PHF20: variants seen among roughly 807,000 people sequenced by gnomAD.
PHF20 encodes the protein PHD finger protein 20.
In PHF20, 23 loss-of-function variants were observed where a neutral mutation model predicts 113.5. The observed-to-expected ratio is 0.20, with a 90% CI of 0.15 to 0.29. The LOEUF is 0.29. Ranked by LOEUF, PHF20 falls within the 10% of genes least tolerant of loss-of-function variation. PHF20 has a pLI of 1.00. For missense variants in PHF20, 943 were observed against 1,219.6 expected, an observed-to-expected ratio of 0.77 and a Z score of 3.38; for synonymous variants, 434 against 457.3, an observed-to-expected ratio of 0.95 and a Z score of 0.65.
chr20:35,877,106 C>CA lies in PHF20; in HGVS notation c.1282+5301dup, dbSNP rs760494622. ...TGGGCGACAGAGTGAGACTCTGTCT[C>CA]AAAAAAAAAAAAAAAAAAAAAAAAG... On this transcript the variant is annotated intron_variant, in intron 9 of 17. Transcript: ENST00000374012. Among the ~76,000 whole-genome samples, 315 of 32,218 alleles carry CA rather than the reference C, an allele frequency of 9.8e-3. 13 individuals are homozygous for CA. The highest frequency in any genetic ancestry group is 0.022 in the African/African-American group (214 of 9,870). 21.1% of individuals were successfully genotyped at this position (32,218 alleles called of 152,430 possible). A position where few individuals can be genotyped will look rare whatever the true frequency, so the allele number is the denominator to read the frequency against.
intron 7 of PHF20, 35 bp from the exon 8 acceptor site, chr20:35,870,920 G>T: frequency 6.7e-7 from 1 of 1,494,088 alleles, no homozygotes; most frequent in Non-Finnish European, 9.0e-7. Context: ...CTTCTTGTTG[G>T]TCTCTTGACT....
intron 2 of PHF20, among the ~76,000 whole-genome samples, chr20:35,817,273 G>A (rs1285957482): frequency 2.0e-4 from 30 of 151,716 alleles, no homozygotes; most frequent in Non-Finnish European, 1.9e-4. Context: ...TGCAATCTCC[G>A]CCTCCTGGGT....
chr20:35,829,428 C>T (rs930021823), intron 2 of PHF20, among the ~76,000 whole-genome samples: 6 of 152,080 alleles, frequency 3.9e-5, no homozygotes, highest in Non-Finnish European at 8.8e-5. Flanking sequence ...TCTCAGCTCA[C>T]TGCAGCTTCT....
At chr20:35,787,410 C>G (rs1050713933) in intron 1 of PHF20, among the ~76,000 whole-genome samples, 7 of 151,176 alleles carry the variant, frequency 4.6e-5, no homozygotes, top group Non-Finnish European at 8.8e-5. Context: ...AACTCCCGAT[C>G]TCAGGTGATC....
At chr20:35,923,575 A>G (rs2055562217) in intron 13 of PHF20, among the ~76,000 whole-genome samples, 1 of 152,224 alleles carries the variant, frequency 6.6e-6, no homozygotes. Flanking sequence ...GCACACAGAG[A>G]AATACCTTAT....
chr20:35,851,593 C>CT (rs894678260), intron 4 of PHF20, among the ~76,000 whole-genome samples: 16 of 148,914 alleles, frequency 1.1e-4, no homozygotes, highest in Middle Eastern at 3.4e-3. Flanking sequence ...CACCCCGCCC[C>CT]TTTTTTTTTG....
intron 17 of PHF20, among the ~76,000 whole-genome samples, chr20:35,946,346 A>G (rs967146614): frequency 2.0e-5 from 3 of 152,198 alleles, no homozygotes; most frequent in Admixed American, 1.3e-4. Context: ...AGGCAGGAGA[A>G]TCGCTTGAAC....
At chr20:35,784,149 G>A (rs1158603888) in intron 1 of PHF20, among the ~76,000 whole-genome samples, 1 of 148,426 alleles carries the variant, frequency 6.7e-6, no homozygotes, top group Non-Finnish European at 1.5e-5. Flanking sequence ...CACCTCCAGG[G>A]TTCAAGCGAT....
At chr20:35,936,970 G>T (rs2055876824) in intron 15 of PHF20, among the ~76,000 whole-genome samples, 1 of 152,158 alleles carries the variant, frequency 6.6e-6, no homozygotes, top group South Asian at 2.1e-4. Context: ...AGCCCAAGGT[G>T]GTCAGGCTAC....
intron 2 of PHF20, among the ~76,000 whole-genome samples, chr20:35,826,342 C>T (rs566676451): frequency 6.6e-6 from 1 of 152,240 alleles, no homozygotes; most frequent in African/African-American, 2.4e-5. Flanking sequence ...CTGCACCTGG[C>T]CTAGACATGC....
intron 10 of PHF20, among the ~76,000 whole-genome samples, chr20:35,911,133 T>C (rs1475124305): frequency 1.3e-5 from 2 of 151,918 alleles, no homozygotes; most frequent in Non-Finnish European, 2.9e-5. Flanking sequence ...CTCCGCCTCC[T>C]GGGTTCACGC....
At chr20:35,874,926 C>T (rs1358683682) in intron 9 of PHF20, among the ~76,000 whole-genome samples, 6 of 151,478 alleles carry the variant, frequency 4.0e-5, no homozygotes, top group Non-Finnish European at 8.8e-5. Context: ...ATAGTGAGAC[C>T]CTCCCTCTTC....
In PHF20 at chr20:35,931,263, T is replaced by C. The variant is rs374815117; in HGVS notation, c.2119T>C (p.Phe707Leu). The C allele has an allele frequency of 1.2e-6, 2 of 1,611,468 alleles. No individual in the cohort carries two copies. Among genetic ancestry groups the C allele is most frequent in the Non-Finnish European group, 1.7e-6 (2 of 1,178,014 alleles). ...CQDPPGQRPG[F>L]KYWYDKEWLS... ...CACTGCTGTAGGTCAGAGGCCTGGC[T>C]TCAAGTACTGGTATGACAAGGAGTG... The change falls in exon 15 of 18, where the codon TTC becomes CTC. Residue 707 changes from phenylalanine (F) to leucine (L), a missense_variant. By Grantham distance (22) the Phe-to-Leu change is conservative. Coordinates refer to ENST00000374012, the MANE Select transcript of PHF20 (RefSeq NM_016436.5).
chr20:35,920,866 GT>G (rs1178128200), intron 13 of PHF20, among the ~76,000 whole-genome samples: 1 of 152,174 alleles, frequency 6.6e-6, no homozygotes, highest in Non-Finnish European at 1.5e-5. Context: ...TGGTTCAGTG[GT>G]TTTCAAACAT....
At chr20:35,943,394 G>A (rs529893251) in intron 17 of PHF20, among the ~76,000 whole-genome samples, 255 of 150,462 alleles carry the variant, frequency 1.7e-3, no homozygotes, top group South Asian at 3.0e-3. Context: ...GCTCACACTT[G>A]TAATCCCAGT....
intron 5 of PHF20, among the ~76,000 whole-genome samples, chr20:35,861,863 A>G (rs1466751215): frequency 6.6e-6 from 1 of 152,092 alleles, no homozygotes; most frequent in Admixed American, 6.6e-5. Flanking sequence ...TTTGTTGAGT[A>G]TTTAGGTACT....
At chr20:35,902,932 A>G (rs1217803799) in intron 10 of PHF20, among the ~76,000 whole-genome samples, 3 of 152,068 alleles carry the variant, frequency 2.0e-5, no homozygotes, top group Admixed American at 1.3e-4. Flanking sequence ...AACTCAGCCA[A>G]CCACTGATGA....
At chr20:35,860,296 A>G (rs2054197232) in intron 5 of PHF20, among the ~76,000 whole-genome samples, 1 of 147,990 alleles carries the variant, frequency 6.8e-6, no homozygotes. Context: ...GCTGGAGTAC[A>G]GTGATGCAAT....
intron 2 of PHF20, among the ~76,000 whole-genome samples, chr20:35,810,128 T>G (rs1449464189): frequency 6.6e-6 from 1 of 151,996 alleles, no homozygotes; most frequent in African/African-American, 2.4e-5. Flanking sequence ...TGGGGTTTCA[T>G]TATGTTGGCC....
Sources: gnomAD v4.1 joint callset for allele counts (sites outside exome capture counted in the v4.1 genomes callset) on GRCh38, gnomAD v4.1.1 for gene constraint, MANE v1.5 for transcripts, NCBI Gene and HGNC (gene_info 2026-07-23, HGNC 2026-07-21) for gene names.